Variants in CFAP95 observed in about 807,000 individuals in gnomAD.
The protein encoded by CFAP95 is cilia and flagella associated protein 95, also known as cilia- and flagella-associated protein 95.
chr9:69,856,439 A>G, the CFAP95 span: 6 of 547,910 alleles, frequency 1.1e-5, no homozygotes, highest in African/African-American at 5.8e-5. Context: ...CTTATTTTTA[A>G]TGTCAACTAG....
the CFAP95 span, among the ~76,000 whole-genome samples, chr9:69,904,071 A>G: frequency 2.0e-4 from 30 of 152,210 alleles, no homozygotes; most frequent in Non-Finnish European, 4.0e-4. Flanking sequence ...TTCACATACT[A>G]TAACACTCAC....
chr9:69,871,594 A>G, the CFAP95 span, among the ~76,000 whole-genome samples: 2 of 151,718 alleles, frequency 1.3e-5, no homozygotes, highest in Non-Finnish European at 2.9e-5. Context: ...AAAAAGAGGC[A>G]TTGACATCTA....
chr9:69,891,482 G>A, the CFAP95 span, among the ~76,000 whole-genome samples: 2 of 147,862 alleles, frequency 1.4e-5, no homozygotes, highest in South Asian at 2.2e-4. Flanking sequence ...AAAGTAATCC[G>A]AGTTAGACTA....
the CFAP95 span, among the ~76,000 whole-genome samples, chr9:69,862,671 T>G: frequency 6.6e-6 from 1 of 152,176 alleles, no homozygotes; most frequent in Non-Finnish European, 1.5e-5. Context: ...AGGTTACCTG[T>G]TAAGGGAGAA....
the CFAP95 span, among the ~76,000 whole-genome samples, chr9:69,870,241 C>A: frequency 6.6e-6 from 1 of 151,974 alleles, no homozygotes; most frequent in African/African-American, 2.4e-5. Context: ...GAGTTAGGCA[C>A]CGGGAATATA....
the CFAP95 span, among the ~76,000 whole-genome samples, chr9:69,871,905 CTGTT>C: frequency 6.6e-6 from 1 of 152,182 alleles, no homozygotes; most frequent in Admixed American, 6.5e-5. Flanking sequence ...ACCCCTCCCA[CTGTT>C]TAATATCATT....
At chr9:69,829,472 G>T in the CFAP95 span, among the ~76,000 whole-genome samples, 2 of 152,152 alleles carry the variant, frequency 1.3e-5, no homozygotes, top group Non-Finnish European at 2.9e-5. Flanking sequence ...AAAGTATACA[G>T]AAGAGGCATT....
the CFAP95 span, among the ~76,000 whole-genome samples, chr9:69,895,736 T>C: frequency 6.6e-6 from 1 of 152,172 alleles, no homozygotes; most frequent in Non-Finnish European, 1.5e-5. Flanking sequence ...TGTATTCTTT[T>C]AGTAGAGAGA....
chr9:69,856,713 A>C, the CFAP95 span: 1 of 1,430,930 alleles, frequency 7.0e-7, no homozygotes, highest in Non-Finnish European at 9.8e-7. Context: ...GAATGTGGAC[A>C]TGCAGAAAGG....
At chr9:69,901,303 A>G in the CFAP95 span, among the ~76,000 whole-genome samples, 3 of 151,962 alleles carry the variant, frequency 2.0e-5, no homozygotes, top group Admixed American at 6.6e-5. Context: ...ACGCCCAGCT[A>G]AATTTTTGTA....
At chr9:69,889,090 G>A in the CFAP95 span, among the ~76,000 whole-genome samples, 2 of 152,160 alleles carry the variant, frequency 1.3e-5, no homozygotes, top group Non-Finnish European at 2.9e-5. Context: ...TGACATAACT[G>A]AGTCCATCTT....
At chr9:69,825,610 C>T in the CFAP95 span, among the ~76,000 whole-genome samples, 1 of 152,136 alleles carries the variant, frequency 6.6e-6, no homozygotes. Flanking sequence ...ATTCCTGTAG[C>T]ATTTATGGAG....
the CFAP95 span, among the ~76,000 whole-genome samples, chr9:69,861,741 A>AAAC: frequency 6.6e-6 from 1 of 150,804 alleles, no homozygotes; most frequent in Non-Finnish European, 1.5e-5. Context: ...AAAAAAAAAA[A>AAAC]AAAAAAAAAA....
chr9:69,840,371 T>G, the CFAP95 span, among the ~76,000 whole-genome samples: 2 of 152,226 alleles, frequency 1.3e-5, no homozygotes, highest in African/African-American at 4.8e-5. Flanking sequence ...TTAGTTAGTT[T>G]TGACAAAGTG....
At chr9:69,897,538 GA>G in the CFAP95 span, among the ~76,000 whole-genome samples, 3 of 152,038 alleles carry the variant, frequency 2.0e-5, no homozygotes, top group Admixed American at 1.3e-4. Context: ...AAAACTATCA[GA>G]AATGAAAGGT....
the CFAP95 span, among the ~76,000 whole-genome samples, chr9:69,886,394 CT>C: frequency 2.0e-5 from 3 of 152,232 alleles, no homozygotes; most frequent in South Asian, 6.2e-4. Flanking sequence ...ATCTTTCATC[CT>C]TGCAATTATA....
chr9:69,868,403 G>A, the CFAP95 span, among the ~76,000 whole-genome samples: 3 of 151,966 alleles, frequency 2.0e-5, no homozygotes, highest in Admixed American at 6.6e-5. Context: ...GGGTGTCATG[G>A]CCCCAGCACT....
the CFAP95 span, among the ~76,000 whole-genome samples, chr9:69,849,221 C>T: frequency 2.6e-5 from 4 of 152,070 alleles, no homozygotes; most frequent in South Asian, 8.3e-4. Context: ...TATTTTGTTC[C>T]CTGTTTTCTC....
the CFAP95 span, among the ~76,000 whole-genome samples, chr9:69,870,944 C>T: frequency 5.9e-5 from 9 of 152,018 alleles, no homozygotes; most frequent in Admixed American, 3.3e-4. Flanking sequence ...GGAGGCTGGG[C>T]GCAGTGGCTC....
Sources: gnomAD v4.1 joint callset for allele counts (sites outside exome capture counted in the v4.1 genomes callset) on GRCh38, gnomAD v4.1.1 for gene constraint, MANE v1.5 for transcripts, NCBI Gene and HGNC (gene_info 2026-07-23, HGNC 2026-07-21) for gene names.